TCTN3: variants seen among roughly 807,000 people sequenced by gnomAD.
TCTN3 encodes the protein tectonic family member 3, also known as tectonic-3.
TCTN3 carries 57 observed loss-of-function variants against 71.3 expected under a neutral mutation model. The observed-to-expected ratio is 0.80, with a 90% CI of 0.65 to 1.00. TCTN3 has a LOEUF of 1.00. Ranked by LOEUF, TCTN3 falls within the 50% of genes least tolerant of loss-of-function variation. The pLI, the probability that TCTN3 is intolerant of heterozygous loss-of-function variation, is 0.00. For synonymous variants in TCTN3, 258 were observed against 267.8 expected (o/e 0.96, Z 0.36); for missense variants, 696 against 719.9 (o/e 0.97, Z 0.38).
In TCTN3 at chr10:95,693,701, C is replaced by T; in HGVS notation, c.199G>A (p.Val67Ile). The T allele has an allele frequency of 1.3e-6, 2 of 1,551,724 alleles. No individual in the cohort carries two copies. Among genetic ancestry groups the T allele is most frequent in the Non-Finnish European group, 1.7e-6 (2 of 1,147,000 alleles). The change falls in exon 1 of 14, where the codon GTC becomes ATC. Residue 67 changes from valine (V) to isoleucine (I), a missense_variant. Physicochemically the swap from Val to Ile is conservative, Grantham distance 29. Transcript: ENST00000371217. Reference sequence around the variant, plus strand: ...GCCGAGGGAGTCACGAGAGTAGGGACCACTGTAGGGAGTCCAGGCACGGCC... The same window carrying T: ...GCCGAGGGAGTCACGAGAGTAGGGATCACTGTAGGGAGTCCAGGCACGGCC... Reference protein sequence around the residue: ...RPAVPGLPTVVPTLVTPSAPG... With the variant: ...RPAVPGLPTVIPTLVTPSAPG...
intron 13 of TCTN3, among the ~76,000 whole-genome samples, chr10:95,680,199 G>A (rs1383087017): frequency 6.6e-6 from 1 of 152,124 alleles, no homozygotes; most frequent in African/African-American, 2.4e-5. Flanking sequence ...TAGTAATAAT[G>A]GTAGGATTAC....
At chr10:95,684,118 A>T (rs904154462) in intron 9 of TCTN3, among the ~76,000 whole-genome samples, 5 of 152,246 alleles carry the variant, frequency 3.3e-5, no homozygotes, top group African/African-American at 1.2e-4. Context: ...AGTGATTAAG[A>T]GTGAACACTC....
chr10:95,675,051 G>A (rs943202027), intron 13 of TCTN3, among the ~76,000 whole-genome samples: 4 of 152,154 alleles, frequency 2.6e-5, no homozygotes, highest in African/African-American at 9.7e-5. Context: ...ACAGGATAAA[G>A]GTGGTTAAAT....
intron 2 of TCTN3, 82 bp from the exon 3 acceptor site, chr10:95,693,120 G>A: frequency 7.9e-7 from 1 of 1,261,620 alleles, no homozygotes; most frequent in African/African-American, 1.5e-5. Flanking sequence ...ATATCGGCCA[G>A]ATGATGCCAA....
chr10:95,667,651 G>A (rs1370046341), intron 13 of TCTN3, among the ~76,000 whole-genome samples: 1 of 152,212 alleles, frequency 6.6e-6, no homozygotes, highest in Non-Finnish European at 1.5e-5. Context: ...AGGACAGAGT[G>A]AGGCATGGAA....
intron 13 of TCTN3, among the ~76,000 whole-genome samples, chr10:95,676,244 T>G (rs538654592): frequency 1.5e-4 from 22 of 150,954 alleles, no homozygotes; most frequent in Non-Finnish European, 2.8e-4. Flanking sequence ...TAAACCAGAA[T>G]AGAAAATATC....
intron 3 of TCTN3, among the ~76,000 whole-genome samples, chr10:95,691,092 G>T (rs1236025268): frequency 1.3e-5 from 2 of 152,212 alleles, no homozygotes; most frequent in Admixed American, 6.5e-5. Context: ...GGAGCACCAG[G>T]TAGGTGCCAT....
chr10:95,663,975 G>A lies in TCTN3; in HGVS notation c.*92C>T, dbSNP rs2097923780. 11 of 991,350 alleles carry A rather than the reference G, an allele frequency of 1.1e-5. No homozygotes were observed. The highest frequency in any genetic ancestry group is 2.4e-5 in the East Asian group (1 of 42,002). 61.4% of individuals were successfully genotyped at this position (991,350 alleles called of 1,614,324 possible). A position where few individuals can be genotyped will look rare whatever the true frequency, so the allele number is the denominator to read the frequency against. On this transcript the variant is annotated 3_prime_UTR_variant, in exon 14 of 14. Coordinates refer to ENST00000371217, the MANE Select transcript of TCTN3 (RefSeq NM_015631.6). Reference sequence around the variant, plus strand: ...CCTCTATTATCCTAAATGCTCTCTGGTCATGAGCAGGTGAGGTTCTATTTA... The same window carrying A: ...CCTCTATTATCCTAAATGCTCTCTGATCATGAGCAGGTGAGGTTCTATTTA...
chr10:95,687,015 G>T, intron 6 of TCTN3, 29 bp downstream of exon 6: 1 of 1,538,486 alleles, frequency 6.5e-7, no homozygotes, highest in Non-Finnish European at 9.0e-7. Flanking sequence ...TCATAGTAGT[G>T]ACAGTGTAGG....
intron 13 of TCTN3, among the ~76,000 whole-genome samples, chr10:95,665,944 GTTTT>G (rs58866795): frequency 7.0e-6 from 1 of 143,098 alleles, no homozygotes; most frequent in Non-Finnish European, 1.5e-5. Flanking sequence ...TAATTCTGTA[GTTTT>G]TTTTTTTTTT....
At chr10:95,686,947 C>G (rs2097948873) in intron 6 of TCTN3, 97 bp downstream of exon 6, 1 of 1,106,396 alleles carries the variant, frequency 9.0e-7, no homozygotes, top group Admixed American at 2.3e-5. Flanking sequence ...GGGATTCTGA[C>G]TTTTATTCAA....
At chr10:95,688,397 G>GAAAAAAAAAAAAAAAAAAAAAAA (rs60722894) in intron 3 of TCTN3, among the ~76,000 whole-genome samples, 1 of 104,592 alleles carries the variant, frequency 9.6e-6, no homozygotes, top group African/African-American at 3.5e-5. Flanking sequence ...TCAAAAAAAA[G>GAAAAAAAAAAAAAAAAAAAAAAA]AAAAAAAAAA....
At position 95,684,581 on chromosome 10, in the gene TCTN3, T is replaced by C. The variant is rs1206102625; in HGVS notation, c.1013A>G (p.Lys338Arg). ...IETNGTFGIQ[K>R]VSVSLGQTNL... The stretch of plus-strand genomic sequence containing the variant: ...GGTTTGTCCCAAACTGACAGAAACT[T>C]TCTGGATTCCAAAAGTCCCATTGGT... The change falls in exon 9 of 14, where the codon AAA becomes AGA. Residue 338 changes from lysine to arginine, a missense_variant. By Grantham distance (26) the Lys-to-Arg change is conservative (BLOSUM62 2). Coordinates refer to ENST00000371217, the MANE Select transcript of TCTN3 (RefSeq NM_015631.6). 1.9e-6 allele frequency: 3 copies of C among 1,614,072 alleles called. No individual in the cohort carries two copies. Among genetic ancestry groups the C allele is most frequent in the Non-Finnish European group, 2.5e-6 (3 of 1,179,934 alleles).
At chr10:95,683,465 G>C in intron 10 of TCTN3, 57 bp downstream of exon 10, 1 of 1,613,660 alleles carries the variant, frequency 6.2e-7, no homozygotes, top group South Asian at 1.1e-5. Context: ...AAGTTTGAAA[G>C]CCTTTGCAGC....
At chr10:95,682,077 C>A (rs11188432) in intron 12 of TCTN3, among the ~76,000 whole-genome samples, 294 of 152,110 alleles carry the variant, frequency 1.9e-3, no homozygotes, top group African/African-American at 6.3e-3. Flanking sequence ...TGCCTGTGGT[C>A]CCAGCTACTC....
At chr10:95,689,439 T>C (rs999263146) in intron 3 of TCTN3, among the ~76,000 whole-genome samples, 1 of 152,216 alleles carries the variant, frequency 6.6e-6, no homozygotes, top group Non-Finnish European at 1.5e-5. Flanking sequence ...TTTAAACATT[T>C]CCTTCGGAAC....
chr10:95,691,299 C>T (rs921787822), intron 3 of TCTN3, among the ~76,000 whole-genome samples: 1 of 152,028 alleles, frequency 6.6e-6, no homozygotes, highest in African/African-American at 2.4e-5. Context: ...ATTACAGGTG[C>T]CCACTACCAT....
intron 12 of TCTN3, 24 bp from the exon 13 acceptor site, chr10:95,680,633 T>C (rs763929909): frequency 5.0e-6 from 8 of 1,608,250 alleles, no homozygotes; most frequent in African/African-American, 1.3e-5. Context: ...AAGAAGCATC[T>C]GCTTGAATTG....
chr10:95,689,164 A>G (rs2139754821), intron 3 of TCTN3, among the ~76,000 whole-genome samples: 1 of 152,146 alleles, frequency 6.6e-6, no homozygotes, highest in Admixed American at 6.5e-5. Context: ...CTCTCCACAC[A>G]TCTCCTAGAT....
Sources: allele counts gnomAD v4.1 joint callset (sites outside exome capture counted in the v4.1 genomes callset), GRCh38; gene constraint gnomAD v4.1.1; transcripts MANE v1.5; gene names NCBI Gene and HGNC (gene_info 2026-07-23, HGNC 2026-07-21).